Variants in DNMT1 observed in about 807,000 individuals in gnomAD.
The protein encoded by DNMT1 is DNA methyltransferase 1.
A neutral mutation model predicts 205.3 loss-of-function variants in DNMT1; 24 were observed. That is an observed-to-expected ratio of 0.12 (90% confidence interval 0.08 to 0.16). The LOEUF (loss-of-function observed/expected upper bound fraction) is 0.16, where lower values mean the gene tolerates loss of function less well. Ranked by LOEUF, DNMT1 falls within the 10% of genes least tolerant of loss-of-function variation. The pLI, the probability that DNMT1 is intolerant of heterozygous loss-of-function variation, is 1.00. For synonymous variants in DNMT1, 817 were observed against 839.8 expected (o/e 0.97, Z 0.47); for missense variants, 1,293 against 2,177.7 (o/e 0.59, Z 8.09).
chr19:10,138,512 G>A lies in DNMT1; in HGVS notation c.4042C>T (p.His1348Tyr). The change falls in exon 35 of 41, where the codon CAC (histidine) becomes TAC (tyrosine). Residue 1348 changes from histidine to tyrosine, a missense_variant. His to Tyr is a moderately conservative substitution (Grantham distance 83). This residue lies in a region of DNMT1 where 148 missense variants were observed against 256.1 expected (regional missense o/e 0.58). Coordinates refer to ENST00000359526, the MANE Select transcript of DNMT1 (RefSeq NM_001130823.3). This position sits in a 1 kb window ranked among gnomAD's most constrained non-coding sequence, Gnocchi z 4.1. The part of the protein sequence containing the change: ...EKLPLFPEPL[H>Y]VFAPRACQLS... ...TGGCAGGCCCGGGGAGCAAACACGT[G>A]CAGTGGCTCCGGGAACAGAGGGAGC... 6.2e-7 allele frequency: 1 copy of A among 1,613,522 alleles called. No individual in the cohort carries two copies. The highest frequency in any genetic ancestry group is 8.5e-7 in the Non-Finnish European group (1 of 1,180,032).
chr19:10,170,788 TTTTGTTTG>T (rs367855794), intron 9 of DNMT1, among the ~76,000 whole-genome samples: 1 of 151,832 alleles, frequency 6.6e-6, no homozygotes, highest in African/African-American at 2.4e-5. Context: ...TGTTTGTTTG[TTTTGTTTG>T]TTTGTTTGTT....
rs2038524517 is a variant in DNMT1, at chr19:10,159,587, G to A, written c.1280+71C>T. The stretch of plus-strand genomic sequence containing the variant: ...GGCACTAAAAAACATCACCAGAATC[G>A]TGAGCCCGCAGGCACCTCTGGGGAT... On this transcript the variant is annotated intron_variant, in intron 17 of 40. Coordinates refer to ENST00000359526, the MANE Select transcript of DNMT1 (RefSeq NM_001130823.3). The surrounding 1 kb of genome is among the most constrained non-coding windows in gnomAD (Gnocchi z 5.0). The A allele has an allele frequency of 5.4e-6, 8 of 1,478,384 alleles. No homozygotes were observed. Among genetic ancestry groups the A allele is most frequent in the East Asian group, 4.5e-5 (2 of 44,084 alleles). The allele number at this position is 1,478,384 out of a possible 1,614,324, so 91.6% of individuals were successfully genotyped here.
chr19:10,185,350 G>A (rs2039157800), intron 1 of DNMT1, among the ~76,000 whole-genome samples: 2 of 151,870 alleles, frequency 1.3e-5, no homozygotes, highest in Admixed American at 6.6e-5. Flanking sequence ...GCGTGAACCC[G>A]GGAGGTGAAG....
chr19:10,164,479 G>A (rs2038641555), intron 11 of DNMT1, among the ~76,000 whole-genome samples: 1 of 152,138 alleles, frequency 6.6e-6, no homozygotes, highest in African/African-American at 2.4e-5. Flanking sequence ...CATCCATGGT[G>A]GTGCATGCCT....
At chr19:10,166,363 G>A (rs1008959800) in intron 11 of DNMT1, among the ~76,000 whole-genome samples, 3 of 152,104 alleles carry the variant, frequency 2.0e-5, no homozygotes, top group Non-Finnish European at 2.9e-5. Flanking sequence ...ACCCTCTCTA[G>A]TGTGAAAGAC....
intron 27 of DNMT1, among the ~76,000 whole-genome samples, chr19:10,148,306 C>G (rs1042741643): frequency 3.5e-4 from 53 of 150,720 alleles, no homozygotes; most frequent in Non-Finnish European, 4.1e-4. Flanking sequence ...ACCATCCTGG[C>G]TAACACAGTG....
At chr19:10,169,796 C>A (rs909560276) in intron 9 of DNMT1, among the ~76,000 whole-genome samples, 3 of 152,060 alleles carry the variant, frequency 2.0e-5, no homozygotes, top group African/African-American at 7.2e-5. Context: ...CTTAGCAAAT[C>A]TTCCTACTAC....
rs374021326 is a variant in DNMT1 at position 10,142,076 on chromosome 19, G to A, written c.3261C>T (p.Cys1087=). 4.6e-5 allele frequency: 74 copies of A among 1,610,622 alleles called. 1 individual carries two copies. The highest frequency in any genetic ancestry group is 1.1e-4 in the East Asian group (5 of 44,764). Residue 1087 remains cysteine (C), a synonymous_variant, in exon 30 of 41, where the codon TGC becomes TGT. Coordinates refer to ENST00000359526, the MANE Select transcript of DNMT1 (RefSeq NM_001130823.3). ...GGCCGCCCATGGAGTACACCTGGAC[G>A]CACTCGGGCAGGTCCTCCCCATACT... ...TVEYGEDLPE[C]VQVYSMGGPN... is the part of the protein sequence containing the mutation.
At chr19:10,135,354 AGACTAACTCAT>A in intron 39 of DNMT1, 1 of 307,946 alleles carries the variant, frequency 3.2e-6, no homozygotes. Flanking sequence ...CACTTAACTG[AGACTAACTCAT>A]AGACTAACTT....
Position 10,180,798 on chromosome 19 carries a change from G to C in DNMT1, c.205C>G (p.Arg69Gly). The C allele has an allele frequency of 6.2e-7, 1 of 1,614,064 alleles. No individual in the cohort carries two copies. Among genetic ancestry groups the C allele is most frequent in the South Asian group, 1.1e-5 (1 of 91,080 alleles). Residue 69 changes from arginine to glycine, a missense_variant, in exon 3 of 41, where the codon CGT (arginine) becomes GGT (glycine). Arg to Gly is a moderately radical substitution (Grantham distance 125). Coordinates refer to ENST00000359526, the MANE Select transcript of DNMT1 (RefSeq NM_001130823.3). ...CTTACCTCGGATAATTCTTCTTTACGTAATTTGGTTTCCAAGTCACATAAC... is the reference window on the plus strand; with the variant it reads ...CTTACCTCGGATAATTCTTCTTTACCTAATTTGGTTTCCAAGTCACATAAC... ...NQLCDLETKLRKEELSEEGYL... is the reference protein window; with the variant it reads ...NQLCDLETKLGKEELSEEGYL...
chr19:10,138,620 G>A lies in DNMT1; in HGVS notation c.3949-15C>T, dbSNP rs773690938. The stretch of plus-strand genomic sequence containing the variant: ...TACTGACCGGCCTGTGGGGGAGAAG[G>A]ACGGACAACCCCACCGTCAGTGGGA... On this transcript the variant is annotated splice_polypyrimidine_tract_variant and intron_variant, in intron 34 of 40. Coordinates refer to ENST00000359526, the MANE Select transcript of DNMT1 (RefSeq NM_001130823.3). The surrounding 1 kb of genome is among the most constrained non-coding windows in gnomAD (Gnocchi z 4.1). 7 of 1,599,010 alleles carry A rather than the reference G, an allele frequency of 4.4e-6. No homozygotes were observed. The East Asian group carries it at 1.6e-4, about 36-fold the overall frequency.
chr19:10,175,435 G>T, intron 7 of DNMT1, 105 bp downstream of exon 7: 1 of 1,335,642 alleles, frequency 7.5e-7, no homozygotes, highest in Non-Finnish European at 1.1e-6. Flanking sequence ...CCTAAATAGA[G>T]CCCTAGACAG....
Position 10,138,092 on chromosome 19 carries a change from C to A in DNMT1, c.4116-83G>T. On this transcript the variant is annotated intron_variant, in intron 35 of 40. Coordinates refer to ENST00000359526, the MANE Select transcript of DNMT1 (RefSeq NM_001130823.3). The surrounding 1 kb of genome is among the most constrained non-coding windows in gnomAD (Gnocchi z 4.1). Reference sequence around the variant, plus strand: ...TCACAGGTGCCACCCCCTGCCTGCTCAGATGGCCTTCTCCCGAGATCACAG... The same window carrying A: ...TCACAGGTGCCACCCCCTGCCTGCTAAGATGGCCTTCTCCCGAGATCACAG... The A allele has an allele frequency of 6.7e-7, 1 of 1,484,190 alleles. No homozygotes were observed. Among genetic ancestry groups the A allele is most frequent in the South Asian group, 1.2e-5 (1 of 83,384 alleles). The allele number at this position is 1,484,190 out of a possible 1,614,324, so 91.9% of individuals were successfully genotyped here.
intron 11 of DNMT1, among the ~76,000 whole-genome samples, chr19:10,165,451 G>A (rs545600852): frequency 2.0e-5 from 3 of 152,208 alleles, no homozygotes; most frequent in South Asian, 2.1e-4. Context: ...GGAGTGCAGC[G>A]GCATAATCTT....
chr19:10,163,511 C>T (rs1449102253), intron 11 of DNMT1, 151 bp from the exon 12 acceptor site: 6 of 743,576 alleles, frequency 8.1e-6, no homozygotes, highest in East Asian at 7.9e-5. Context: ...GCAGATCTAC[C>T]GGGTAGACAC....
At chr19:10,145,968 A>G (rs557868827) in intron 28 of DNMT1, among the ~76,000 whole-genome samples, 1 of 152,182 alleles carries the variant, frequency 6.6e-6, no homozygotes, top group South Asian at 2.1e-4. Flanking sequence ...AGCTGGGACT[A>G]CAGGCGCGCA....
At chr19:10,136,018 CCTGGGGTG>C (rs1220935767) in intron 38 of DNMT1, 95 bp downstream of exon 38, 1 of 1,550,354 alleles carries the variant, frequency 6.5e-7, no homozygotes, top group Non-Finnish European at 8.7e-7. Context: ...TGCCTGGGGT[CCTGGGGTG>C]CTGTCCCCCA....
chr19:10,144,632 G>A (rs1490405894), intron 28 of DNMT1: 1 of 157,308 alleles, frequency 6.4e-6, no homozygotes, highest in African/African-American at 2.4e-5. Flanking sequence ...GCTTTCCCTT[G>A]GGCTCAAACA....
intron 27 of DNMT1, among the ~76,000 whole-genome samples, chr19:10,147,718 C>T (rs1169350058): frequency 6.6e-6 from 1 of 152,170 alleles, no homozygotes; most frequent in Non-Finnish European, 1.5e-5. Flanking sequence ...TCCTGGGTTT[C>T]CCTGGTTGCC....
Sources: gnomAD v4.1 joint callset for allele counts (sites outside exome capture counted in the v4.1 genomes callset) on GRCh38, gnomAD v4.1.1 for gene constraint, gnomAD v4.1.1 regional missense constraint, Gnocchi (gnomAD v3.1) non-coding constraint, MANE v1.5 for transcripts, NCBI Gene and HGNC (gene_info 2026-07-23, HGNC 2026-07-21) for gene names.